Variants in NOL4 observed in about 807,000 individuals in gnomAD.
The protein encoded by NOL4 is nucleolar protein 4, also known as cancer/testis antigen 125.
A neutral mutation model predicts 75.9 loss-of-function variants in NOL4; 17 were observed. The ratio of observed to expected loss-of-function variants is 0.22; its 90% CI spans 0.15 to 0.34. The LOEUF (loss-of-function observed/expected upper bound fraction) is 0.34, where lower values mean the gene tolerates loss of function less well. Among genes scored for constraint, NOL4 ranks in the 10% least tolerant of loss-of-function variants. NOL4 has a pLI of 1.00. For synonymous variants in NOL4, 292 were observed against 289.9 expected (o/e 1.01, Z -0.07); for missense variants, 614 against 793.5 (o/e 0.77, Z 2.72).
At chr18:34,158,210 A>G (rs1442595935) in intron 1 of NOL4, among the ~76,000 whole-genome samples, 4 of 152,156 alleles carry the variant, frequency 2.6e-5, no homozygotes, top group Admixed American at 6.5e-5. Context: ...GAAATTTGAG[A>G]GCAAGGGGTT....
chr18:34,087,437 C>T (rs1423185365), intron 5 of NOL4, among the ~76,000 whole-genome samples: 1 of 152,022 alleles, frequency 6.6e-6, no homozygotes, highest in African/African-American at 2.4e-5. Flanking sequence ...AGCATCATTG[C>T]TATCTGAAAC....
chr18:34,196,583 G>A (rs759624236), intron 1 of NOL4, among the ~76,000 whole-genome samples: 25 of 152,212 alleles, frequency 1.6e-4, no homozygotes, highest in Non-Finnish European at 3.2e-4. Flanking sequence ...GGGCCCTCAA[G>A]CAAATATTTC....
At chr18:33,931,380 C>T (rs1439151959) in intron 9 of NOL4, among the ~76,000 whole-genome samples, 26 of 152,044 alleles carry the variant, frequency 1.7e-4, no homozygotes, top group Admixed American at 1.7e-3. Context: ...CTACAAGCCC[C>T]GACATTTTCC....
At chr18:34,194,132 A>G (rs1371649185) in intron 1 of NOL4, among the ~76,000 whole-genome samples, 1 of 152,162 alleles carries the variant, frequency 6.6e-6, no homozygotes. Flanking sequence ...TAGGAGGAAT[A>G]ATTTCAAAAT....
chr18:33,944,578 A>T (rs1306063642), intron 8 of NOL4, among the ~76,000 whole-genome samples: 1 of 151,896 alleles, frequency 6.6e-6, no homozygotes, highest in Non-Finnish European at 1.5e-5. Flanking sequence ...ACCCCATGGG[A>T]CATCTCAAAT....
At chr18:33,887,862 T>C (rs2064855095) in intron 9 of NOL4, among the ~76,000 whole-genome samples, 1 of 152,158 alleles carries the variant, frequency 6.6e-6, no homozygotes, top group Admixed American at 6.6e-5. Flanking sequence ...CTATTGTGAA[T>C]AGTGCCGCAA....
intron 9 of NOL4, among the ~76,000 whole-genome samples, chr18:33,907,389 C>T (rs753249583): frequency 6.6e-6 from 1 of 150,488 alleles, no homozygotes; most frequent in Non-Finnish European, 1.5e-5. Flanking sequence ...ATAATCTTTA[C>T]CAATGTTTAT....
At chr18:34,140,488 A>C (rs2081096557) in intron 1 of NOL4, among the ~76,000 whole-genome samples, 1 of 152,044 alleles carries the variant, frequency 6.6e-6, no homozygotes, top group Admixed American at 6.6e-5. Context: ...TTTATCAGAG[A>C]CTAGGATTGC....
chr18:33,875,957 A>G (rs2144567981), intron 10 of NOL4, among the ~76,000 whole-genome samples: 1 of 152,012 alleles, frequency 6.6e-6, no homozygotes, highest in East Asian at 1.9e-4. Flanking sequence ...TCTTCCAAAG[A>G]GTGGAAGGAT....
rs2062635387 is a variant in NOL4 at position 33,851,562 on chromosome 18, A to C, written c.*1280T>G. On this transcript the variant is annotated 3_prime_UTR_variant, in exon 11 of 11. Coordinates refer to ENST00000261592, the MANE Select transcript of NOL4 (RefSeq NM_003787.5). ...TGCACAAAGAATTTGTAATCCAACC[A>C]AAGCTAAACAACAGAAAAAAGTTGT... The C allele has an allele frequency of 6.6e-6, 1 of 152,490 alleles. No homozygotes were observed. Among genetic ancestry groups the C allele is most frequent in the Non-Finnish European group, 1.5e-5 (1 of 68,002 alleles). 9.4% of individuals were successfully genotyped at this position (152,490 alleles called of 1,614,324 possible).
At chr18:34,024,202 T>G (rs1224600900) in intron 5 of NOL4, among the ~76,000 whole-genome samples, 1 of 122,842 alleles carries the variant, frequency 8.1e-6, no homozygotes, top group East Asian at 2.0e-4. Flanking sequence ...AAAATATATA[T>G]ATATATATAT....
At chr18:34,016,187 G>A (rs2074681930) in intron 6 of NOL4, among the ~76,000 whole-genome samples, 1 of 152,004 alleles carries the variant, frequency 6.6e-6, no homozygotes, top group Non-Finnish European at 1.5e-5. Context: ...AAAATAACAT[G>A]TTCAGTAATT....
At position 33,890,920 on chromosome 18, in the gene NOL4, G is replaced by C. The variant is rs572642449; in HGVS notation, c.1543-7496C>G. 1.9e-3 allele frequency among the ~76,000 whole-genome samples: 288 copies of C among 152,072 alleles called. 1 individual carries two copies. The highest frequency in any genetic ancestry group is 0.014 in the Middle Eastern group (4 of 294). On this transcript the variant is annotated intron_variant, in intron 9 of 10. Transcript: ENST00000261592. ...CCAGATGGCATGTTACAATGACAGA[G>C]TGGGTGGCTGGAAAGTGGTCAAACC... is the stretch of plus-strand genomic sequence containing the variant.
chr18:33,912,705 C>A (rs2066480868), intron 9 of NOL4, among the ~76,000 whole-genome samples: 1 of 152,114 alleles, frequency 6.6e-6, no homozygotes. Context: ...TGACACAGAG[C>A]AAATGCTCAA....
intron 5 of NOL4, among the ~76,000 whole-genome samples, chr18:34,021,538 A>C (rs147424144): frequency 6.6e-6 from 1 of 152,202 alleles, no homozygotes; most frequent in South Asian, 2.1e-4. Context: ...AGCAAATAAC[A>C]GTTTTAATTT....
chr18:34,142,158 G>A (rs916558889), intron 1 of NOL4, among the ~76,000 whole-genome samples: 3 of 152,118 alleles, frequency 2.0e-5, no homozygotes, highest in Non-Finnish European at 4.4e-5. Context: ...TTAGAATGGT[G>A]ATCATTAAAA....
At chr18:34,130,912 G>T (rs1462970011) in intron 1 of NOL4, among the ~76,000 whole-genome samples, 1 of 152,076 alleles carries the variant, frequency 6.6e-6, no homozygotes, top group Non-Finnish European at 1.5e-5. Context: ...AAGCCATTTT[G>T]CTGGGAAGTA....
intron 8 of NOL4, among the ~76,000 whole-genome samples, chr18:33,951,682 C>T (rs990533537): frequency 6.6e-6 from 1 of 152,092 alleles, no homozygotes; most frequent in African/African-American, 2.4e-5. Flanking sequence ...TTACATACTT[C>T]TGTGTTCCAG....
chr18:34,072,280 C>G (rs1283715867), intron 5 of NOL4, among the ~76,000 whole-genome samples: 2 of 151,970 alleles, frequency 1.3e-5, no homozygotes, highest in Non-Finnish European at 2.9e-5. Flanking sequence ...ACTATTCAAA[C>G]CCTAATCATA....
Sources: gnomAD v4.1 joint callset for allele counts (sites outside exome capture counted in the v4.1 genomes callset) on GRCh38, gnomAD v4.1.1 for gene constraint, MANE v1.5 for transcripts, NCBI Gene and HGNC (gene_info 2026-07-23, HGNC 2026-07-21) for gene names.